HHLA2: variants seen among roughly 807,000 people sequenced by gnomAD.
The protein encoded by HHLA2 is HHLA2 member of B7 family, also known as HERV-H LTR-associating protein 2.
A neutral mutation model predicts 45.9 loss-of-function variants in HHLA2; 48 were observed. The observed-to-expected ratio is 1.05, with a 90% confidence interval of 0.83 to 1.33. The LOEUF (loss-of-function observed/expected upper bound fraction) is 1.33, where lower values mean the gene tolerates loss of function less well. HHLA2 is among the 40% of genes most tolerant of loss of function. HHLA2 has a pLI of 0.00. For missense variants in HHLA2, 462 were observed against 494.3 expected (o/e 0.93, Z 0.62); for synonymous variants, 161 against 173.9 (o/e 0.93, Z 0.59).
chr3:108,349,957 TAAAC>T (rs1052109562), intron 3 of HHLA2, among the ~76,000 whole-genome samples: 1 of 152,178 alleles, frequency 6.6e-6, no homozygotes, highest in African/African-American at 2.4e-5. Context: ...AGGGTTACGT[TAAAC>T]AAGGTGAATT....
chr3:108,371,025 G>T (rs374303112), intron 8 of HHLA2, among the ~76,000 whole-genome samples: 2 of 152,192 alleles, frequency 1.3e-5, no homozygotes, highest in Non-Finnish European at 1.5e-5. Flanking sequence ...CACATAATTG[G>T]CAGATTCACC....
rs181360838 is a variant in HHLA2 at position 108,326,234 on chromosome 3, G to A, written c.-104-2036G>A. On this transcript the variant is annotated intron_variant, in intron 2 of 10. Transcript: ENST00000619531. The stretch of plus-strand genomic sequence containing the variant: ...TCCATCCACCTTGTATGGTGTATTC[G>A]TCCAATTTGATGCCACTGATAAAGA... The A allele has an allele frequency of 4.0e-3, 784 of 194,200 alleles. 3 individuals carry two copies. Among genetic ancestry groups the A allele is most frequent in the Non-Finnish European group, 4.7e-3 (439 of 92,478 alleles). 12.0% of individuals were successfully genotyped at this position (194,200 alleles called of 1,614,324 possible).
intron 6 of HHLA2, among the ~76,000 whole-genome samples, chr3:108,357,372 T>C (rs760967519): frequency 6.6e-6 from 1 of 152,086 alleles, no homozygotes; most frequent in Non-Finnish European, 1.5e-5. Flanking sequence ...AATATTCTTA[T>C]ATGAAGAAAA....
Position 108,329,804 on chromosome 3 carries a change from C to T in HHLA2, c.-27+1457C>T, listed in dbSNP as rs571834536. On this transcript the variant is annotated intron_variant, in intron 3 of 10. Coordinates refer to ENST00000619531, the Ensembl canonical transcript of HHLA2. ...CTTTCACTCTTCCTAGATTAGTCAG[C>T]CCTGGGTCAGGTATTTATGAACAAT... Among the ~76,000 whole-genome samples the T allele has an allele frequency of 3.3e-5, 5 of 152,260 alleles. 1 individual carries two copies. The South Asian group carries it at 6.2e-4, about 19-fold the overall frequency.
intron 9 of HHLA2, among the ~76,000 whole-genome samples, chr3:108,376,199 T>C (rs1341374282): frequency 6.6e-6 from 1 of 152,180 alleles, no homozygotes; most frequent in African/African-American, 2.4e-5. Flanking sequence ...GACATTTCCA[T>C]TGTTAGCAGT....
chr3:108,310,393 A>G (rs1048301856), intron 1 of HHLA2, among the ~76,000 whole-genome samples: 2 of 152,192 alleles, frequency 1.3e-5, no homozygotes, highest in African/African-American at 4.8e-5. Context: ...TTCATCCATC[A>G]TATTCTGTAG....
exon 11 of HHLA2, chr3:108,378,250 C>T (rs912319002): frequency 1.3e-5 from 2 of 152,176 alleles, no homozygotes; most frequent in Non-Finnish European, 2.9e-5. Flanking sequence ...CCCACCTGCA[C>T]CCAGGTGAAA....
chr3:108,352,679 A>G (rs1405641083), intron 4 of HHLA2, among the ~76,000 whole-genome samples: 1 of 152,242 alleles, frequency 6.6e-6, no homozygotes, highest in African/African-American at 2.4e-5. Context: ...TATTCTGTTG[A>G]TTTCATTTGC....
chr3:108,312,941 A>C (rs1374470103), intron 2 of HHLA2, among the ~76,000 whole-genome samples: 1 of 148,304 alleles, frequency 6.7e-6, no homozygotes, highest in Non-Finnish European at 1.5e-5. Context: ...ATGAAACTAA[A>C]AAAACACAAC....
intron 3 of HHLA2, among the ~76,000 whole-genome samples, chr3:108,350,932 G>T (rs1267417730): frequency 6.6e-6 from 1 of 152,144 alleles, no homozygotes; most frequent in Admixed American, 6.6e-5. Flanking sequence ...TGATCCTCTT[G>T]CCTTGGCCTC....
intron 8 of HHLA2, among the ~76,000 whole-genome samples, chr3:108,374,059 T>A (rs13089187): frequency 6.7e-6 from 1 of 148,404 alleles, no homozygotes; most frequent in African/African-American, 2.4e-5. Context: ...GGAGGCATCA[T>A]GCTACCTGAC....
chr3:108,362,061 A>G (rs558899989), intron 7 of HHLA2, among the ~76,000 whole-genome samples: 2 of 152,288 alleles, frequency 1.3e-5, no homozygotes, highest in African/African-American at 4.8e-5. Flanking sequence ...AATCTCCAAT[A>G]ATATTATGGT....
At chr3:108,373,287 T>C (rs190587679) in intron 8 of HHLA2, among the ~76,000 whole-genome samples, 1 of 152,214 alleles carries the variant, frequency 6.6e-6, no homozygotes, top group Non-Finnish European at 1.5e-5. Flanking sequence ...AACGCCTTCA[T>C]GCTAAAAACT....
chr3:108,308,630 C>G (rs1194602648), intron 1 of HHLA2, among the ~76,000 whole-genome samples: 1 of 152,202 alleles, frequency 6.6e-6, no homozygotes. Flanking sequence ...TTCCCACCAA[C>G]AAGGTATGAG....
chr3:108,377,243 T>C lies in HHLA2; in HGVS notation c.1225-15T>C, dbSNP rs545651330. On this transcript the variant is annotated splice_polypyrimidine_tract_variant and intron_variant, in intron 10 of 10. Coordinates refer to ENST00000619531, the Ensembl canonical transcript of HHLA2. ...TGAACAACAGACATTTAGAGTCTAT[T>C]TTTCTTGCTTCTAGCCTCTTTCAGG... 2 of 1,494,606 alleles carry C rather than the reference T, an allele frequency of 1.3e-6. No individual in the cohort carries two copies. The highest frequency in any genetic ancestry group is 3.5e-5 in the Admixed American group (2 of 57,894). The allele number at this position is 1,494,606 out of a possible 1,614,324, so 92.6% of individuals were successfully genotyped here. A position where few individuals can be genotyped will look rare whatever the true frequency, so the allele number is the denominator to read the frequency against.
At chr3:108,298,301 G>A (rs73850856) in intron 1 of HHLA2, among the ~76,000 whole-genome samples, 2,586 of 152,212 alleles carry the variant, frequency 0.017, 59 homozygotes, top group African/African-American at 0.058. Context: ...AGTCCATTCC[G>A]TTTAACTGGG....
intron 2 of HHLA2, among the ~76,000 whole-genome samples, chr3:108,321,941 C>T (rs908767215): frequency 8.6e-5 from 13 of 152,028 alleles, no homozygotes; most frequent in Admixed American, 1.3e-4. Context: ...CATTCTGTTC[C>T]TTTTTTATGA....
rs546150432 is a variant in HHLA2 at position 108,326,289 on chromosome 3, A to G, written c.-104-1981A>G. The G allele has an allele frequency of 8.9e-5, 14 of 156,730 alleles. No individual in the cohort carries two copies. The South Asian group carries it at 2.1e-3, about 24-fold the overall frequency. The allele number at this position is 156,730 out of a possible 1,614,324, so 9.7% of individuals were successfully genotyped here. ...CTCAAGACTGGGTAATTTATAAAGG[A>G]AAAGAGGTTTAATGGACTTACAGTT... On this transcript the variant is annotated intron_variant, in intron 2 of 10. Coordinates refer to ENST00000619531, the Ensembl canonical transcript of HHLA2.
chr3:108,307,945 T>G lies in HHLA2; in HGVS notation c.-191-2710T>G, dbSNP rs150915200. Among the ~76,000 whole-genome samples, 5 of 152,328 alleles carry G rather than the reference T, an allele frequency of 3.3e-5. No individual in the cohort carries two copies. In the East Asian group the frequency reaches 9.6e-4, roughly 29 times the overall value. On this transcript the variant is annotated intron_variant, in intron 1 of 10. Transcript: ENST00000619531. ...GAAATGTTTTAATACATGCATGCAA[T>G]GTAAAATAAGGACATCATGGAGAAT... is the stretch of plus-strand genomic sequence containing the variant.
Sources: allele counts gnomAD v4.1 joint callset (sites outside exome capture counted in the v4.1 genomes callset), GRCh38; gene constraint gnomAD v4.1.1; transcripts MANE v1.5; gene names NCBI Gene and HGNC (gene_info 2026-07-23, HGNC 2026-07-21).